Variants in PIKFYVE observed in about 807,000 individuals in gnomAD.
PIKFYVE encodes phosphoinositide kinase, FYVE-type zinc finger containing.
In PIKFYVE, 122 loss-of-function variants were observed where a neutral mutation model predicts 257.9. That is an observed-to-expected ratio of 0.47 (90% CI 0.41 to 0.55). PIKFYVE has a LOEUF of 0.55. Among genes scored for constraint, PIKFYVE ranks in the 20% least tolerant of loss-of-function variants. The pLI is 0.00. For synonymous variants in PIKFYVE, 892 were observed against 868.9 expected (o/e 1.03, Z -0.47); for missense variants, 2,160 against 2,536.6 (o/e 0.85, Z 3.19).
chr2:208,350,895 A>G lies in PIKFYVE; in HGVS notation c.5559A>G (p.Ser1853=). The change falls in exon 37 of 42, where the codon TCA becomes TCG. Residue 1853 remains serine (S), a synonymous_variant. Coordinates refer to ENST00000264380, the MANE Select transcript of PIKFYVE (RefSeq NM_015040.4). ...EDFIRSLSHS[S]PWQARGGKSG... ...TCATTCGTTCCCTCTCCCACTCATC[A>G]CCCTGGCAGGCCCGGGGAGGCAAAT... 1 of 1,614,114 alleles carries G rather than the reference A, an allele frequency of 6.2e-7. No individual in the cohort carries two copies. Among genetic ancestry groups the G allele is most frequent in the Non-Finnish European group, 8.5e-7 (1 of 1,180,024 alleles).
chr2:208,334,843 G>T (rs891883965), intron 24 of PIKFYVE, among the ~76,000 whole-genome samples: 1 of 152,096 alleles, frequency 6.6e-6, no homozygotes, highest in Non-Finnish European at 1.5e-5. Context: ...CCTTTTTTAA[G>T]CAAGAGTTTT....
At chr2:208,318,103 A>G (rs1203971225) in intron 16 of PIKFYVE, among the ~76,000 whole-genome samples, 162 bp downstream of exon 16, 3 of 152,226 alleles carry the variant, frequency 2.0e-5, no homozygotes, top group Admixed American at 2.0e-4. Flanking sequence ...AAGATTTCCC[A>G]GAGCTGAGGA....
chr2:208,324,844 C>A, intron 18 of PIKFYVE, 67 bp from the exon 19 acceptor site: 1 of 1,556,278 alleles, frequency 6.4e-7, no homozygotes, highest in South Asian at 1.1e-5. Flanking sequence ...ATTACTTTTC[C>A]AGATTAAATT....
chr2:208,267,950 G>C (rs1688885245), intron 1 of PIKFYVE, among the ~76,000 whole-genome samples: 1 of 152,158 alleles, frequency 6.6e-6, no homozygotes, highest in African/African-American at 2.4e-5. Context: ...GGCCTTTACT[G>C]ACTGGCTTCT....
Position 208,353,947 on chromosome 2 carries a change from C to T in PIKFYVE, c.5894C>T (p.Thr1965Ile). 1 of 1,613,988 alleles carries T rather than the reference C, an allele frequency of 6.2e-7. No homozygotes were observed. The highest frequency in any genetic ancestry group is 8.5e-7 in the Non-Finnish European group (1 of 1,179,944). ...AGGAATCGGAATGTAAAAACTGACA[C>T]TGGAAAAGAGAGTTGTGATGTGGTC... is the stretch of plus-strand genomic sequence containing the variant. ...SLRNRNVKTD[T>I]GKESCDVVLL... The change falls in exon 40 of 42, where the codon ACT (threonine) becomes ATT (isoleucine). Residue 1965 changes from threonine (T) to isoleucine (I), a missense_variant. Transcript: ENST00000264380.
chr2:208,322,763 T>C (rs1696416290), intron 17 of PIKFYVE, among the ~76,000 whole-genome samples: 1 of 151,718 alleles, frequency 6.6e-6, no homozygotes, highest in South Asian at 2.1e-4. Context: ...TTGTTACATA[T>C]GTATACATAT....
intron 17 of PIKFYVE, among the ~76,000 whole-genome samples, chr2:208,322,631 CTTAT>C (rs1399093085): frequency 6.6e-6 from 1 of 151,226 alleles, no homozygotes; most frequent in Non-Finnish European, 1.5e-5. Flanking sequence ...TGCTTACAGA[CTTAT>C]TTGTGGATGA....
chr2:208,317,435 T>TG (rs1181289784), intron 15 of PIKFYVE, among the ~76,000 whole-genome samples: 1 of 151,850 alleles, frequency 6.6e-6, no homozygotes, highest in Non-Finnish European at 1.5e-5. Flanking sequence ...ATGCGATTTT[T>TG]TTTTTAAGCT....
At chr2:208,330,408 C>G (rs1398370182) in intron 22 of PIKFYVE, 115 bp from the exon 23 acceptor site, 3 of 1,221,630 alleles carry the variant, frequency 2.5e-6, no homozygotes, top group Non-Finnish European at 3.6e-6. Flanking sequence ...CAGCTGCAGG[C>G]TCAGAGCAGC....
At position 208,357,332 on chromosome 2, in the gene PIKFYVE, C is replaced by T. The variant is rs551912289; in HGVS notation, c.*2027C>T. The T allele has an allele frequency of 6.6e-6, 1 of 152,334 alleles. No individual in the cohort carries two copies. The highest frequency in any genetic ancestry group is 1.9e-4 in the East Asian group (1 of 5,182). The allele number at this position is 152,334 out of a possible 1,614,324, so 9.4% of individuals were successfully genotyped here. ...ATTCCTGTCTGTTTCCTGTACTCCC[C>T]TAGTCATGAGCACTTGAAGTACAAG... On this transcript the variant is annotated 3_prime_UTR_variant, in exon 42 of 42. Coordinates refer to ENST00000264380, the MANE Select transcript of PIKFYVE (RefSeq NM_015040.4).
intron 17 of PIKFYVE, among the ~76,000 whole-genome samples, chr2:208,321,625 T>C (rs1324680336): frequency 6.8e-6 from 1 of 147,828 alleles, no homozygotes; most frequent in African/African-American, 2.5e-5. Flanking sequence ...TCCCCCAGGC[T>C]GGAGCGCAAT....
At chr2:208,325,234 C>A (rs1384748939) in intron 19 of PIKFYVE, 36 bp from the exon 20 acceptor site, 1 of 1,601,032 alleles carries the variant, frequency 6.2e-7, no homozygotes, top group Non-Finnish European at 8.5e-7. Flanking sequence ...ATTGCCACCT[C>A]CACCATCTTA....
rs1261582625 is a variant in PIKFYVE at position 208,355,450 on chromosome 2, T to C, written c.*145T>C. On this transcript the variant is annotated 3_prime_UTR_variant, in exon 42 of 42. Coordinates refer to ENST00000264380, the MANE Select transcript of PIKFYVE (RefSeq NM_015040.4). Reference sequence around the variant, plus strand: ...GTTCTGTGGCTGTTTAGACTGTCCGTAATGGAATGGTAAAACTCCATGAAT... The same window carrying C: ...GTTCTGTGGCTGTTTAGACTGTCCGCAATGGAATGGTAAAACTCCATGAAT... The C allele has an allele frequency of 1.5e-6, 1 of 653,794 alleles. No homozygotes were observed. The highest frequency in any genetic ancestry group is 2.8e-5 in the East Asian group (1 of 35,636). 40.5% of individuals were successfully genotyped at this position (653,794 alleles called of 1,614,324 possible).
At chr2:208,317,595 T>C (rs968158485) in intron 15 of PIKFYVE, among the ~76,000 whole-genome samples, 1 of 152,122 alleles carries the variant, frequency 6.6e-6, no homozygotes, top group African/African-American at 2.4e-5. Flanking sequence ...ACTTAAACAA[T>C]AGTGTTAACT....
chr2:208,354,762 C>A, intron 41 of PIKFYVE, 117 bp downstream of exon 41: 1 of 820,910 alleles, frequency 1.2e-6, no homozygotes, highest in Non-Finnish European at 2.0e-6. Context: ...TCATTGATTT[C>A]ATTGTCATTT....
rs367995722 is a variant in PIKFYVE at position 208,285,942 on chromosome 2, C to G, written c.821+9C>G. The G allele has an allele frequency of 2.3e-5, 37 of 1,610,466 alleles. No individual in the cohort carries two copies. The highest frequency in any genetic ancestry group is 3.0e-5 in the Non-Finnish European group (35 of 1,177,146). On this transcript the variant is annotated intron_variant, in intron 6 of 41. Transcript: ENST00000264380. ...GATTTGGCCTGGCAAAGGTATTGTC[C>G]CTTAAATATAATTTTATTTAGAGTT...
intron 11 of PIKFYVE, 64 bp from the exon 12 acceptor site, chr2:208,304,782 T>G: frequency 6.6e-7 from 1 of 1,522,906 alleles, no homozygotes; most frequent in Non-Finnish European, 9.1e-7. Context: ...TCCAATACCC[T>G]GATAAAACCC....
chr2:208,311,117 G>T (rs1450060414), intron 12 of PIKFYVE, among the ~76,000 whole-genome samples: 1 of 152,066 alleles, frequency 6.6e-6, no homozygotes, highest in African/African-American at 2.4e-5. Flanking sequence ...CTGTAGGTTT[G>T]AATTTTTTTC....
Position 208,345,140 on chromosome 2 carries a change from A to G in PIKFYVE, c.5057A>G (p.Glu1686Gly). The change falls in exon 33 of 42, where the codon GAA becomes GGA. Residue 1686 changes from glutamate (E) to glycine (G), a missense_variant. Physicochemically the swap from Glu to Gly is moderately conservative, Grantham distance 98. This residue lies in a region of PIKFYVE where 699 missense variants were observed against 855.8 expected (regional missense o/e 0.82). Transcript: ENST00000264380. ...SCKEYRNALE[E>G]LSKATQWNSA... is the part of the protein sequence containing the mutation. ...AAAGAATACCGAAATGCCTTAGAGG[A>G]ATTGTCTAAAGCGACTCAGTGGAAC... 2 of 1,612,712 alleles carry G rather than the reference A, an allele frequency of 1.2e-6. No individual in the cohort carries two copies. Among genetic ancestry groups the G allele is most frequent in the Non-Finnish European group, 1.7e-6 (2 of 1,178,812 alleles).
Sources: gnomAD v4.1 joint callset for allele counts (sites outside exome capture counted in the v4.1 genomes callset) on GRCh38, gnomAD v4.1.1 for gene constraint, gnomAD v4.1.1 regional missense constraint, MANE v1.5 for transcripts, NCBI Gene and HGNC (gene_info 2026-07-23, HGNC 2026-07-21) for gene names.